Variants in MLLT10 observed in about 807,000 individuals in gnomAD.
MLLT10 encodes protein AF-10.
In MLLT10, 30 loss-of-function variants were observed where a neutral mutation model predicts 129.1. The ratio of observed to expected loss-of-function variants is 0.23; its 90% confidence interval spans 0.17 to 0.32. MLLT10 has a LOEUF of 0.32. Among genes scored for constraint, MLLT10 ranks in the 10% least tolerant of loss-of-function variants. The probability of loss-of-function intolerance (pLI) is 1.00; values close to 1 mark genes in which losing one functional copy is unlikely to be tolerated. For synonymous variants in MLLT10, 490 were observed against 446.4 expected, an observed-to-expected ratio of 1.10 and a Z score of -1.23; for missense variants, 1,119 against 1,268.3, an observed-to-expected ratio of 0.88 and a Z score of 1.79.
At position 21,680,275 on chromosome 10, in the gene MLLT10, A is replaced by G. The variant is rs376722072; in HGVS notation, c.1622-1057A>G. On this transcript the variant is annotated intron_variant, in intron 11 of 22. Transcript: ENST00000307729. Reference sequence around the variant, plus strand: ...GCCCAGGCTGTAGTGCGATGGTGCAATCTCGGCTCACTGAAACCACTGTTT... The same window carrying G: ...GCCCAGGCTGTAGTGCGATGGTGCAGTCTCGGCTCACTGAAACCACTGTTT... Among the ~76,000 whole-genome samples, 9 of 151,680 alleles carry G rather than the reference A, an allele frequency of 5.9e-5. No individual in the cohort carries two copies. In the East Asian group the frequency reaches 1.2e-3, roughly 20 times the overall value.
intron 11 of MLLT10, among the ~76,000 whole-genome samples, chr10:21,676,910 C>T (rs2052222848): frequency 6.6e-6 from 1 of 151,980 alleles, no homozygotes; most frequent in Non-Finnish European, 1.5e-5. Flanking sequence ...AAAGCGTATC[C>T]TTATCTAGAA....
chr10:21,670,672 C>G lies in MLLT10; in HGVS notation c.1019C>G (p.Thr340Arg). ...RKPGGGRNPG[T>R]TVSAASPFPQ... ...CCTGGTGGTGGAAGAAATCCAGGAA[C>G]AACTGTGTCAGCAGCTAGCCCTTTT... The change falls in exon 10 of 23, where the codon ACA (threonine) becomes AGA (arginine). Residue 340 changes from threonine to arginine, a missense_variant. Coordinates refer to ENST00000307729, the MANE Select transcript of MLLT10 (RefSeq NM_001195626.3). 6.2e-7 allele frequency: 1 copy of G among 1,614,088 alleles called. No homozygotes were observed. Among genetic ancestry groups the G allele is most frequent in the Non-Finnish European group, 8.5e-7 (1 of 1,180,004 alleles).
intron 8 of MLLT10, among the ~76,000 whole-genome samples, chr10:21,638,726 T>C (rs576704764): frequency 1.3e-5 from 2 of 152,214 alleles, no homozygotes; most frequent in East Asian, 1.9e-4. Flanking sequence ...CATGTGGCCA[T>C]TGAGGCCTCT....
intron 14 of MLLT10, among the ~76,000 whole-genome samples, chr10:21,721,707 G>A (rs2057147089): frequency 6.6e-6 from 1 of 151,958 alleles, no homozygotes. Context: ...ATACTGCCTT[G>A]GTAGAGACTT....
At chr10:21,717,701 T>C (rs868688098) in intron 14 of MLLT10, among the ~76,000 whole-genome samples, 1,039 of 23,036 alleles carry the variant, frequency 0.045, 10 homozygotes, top group African/African-American at 0.071. Context: ...CCTCCTCCTC[T>C]TCCTCCTCCT....
intron 3 of MLLT10, among the ~76,000 whole-genome samples, chr10:21,539,477 T>G (rs561393793): frequency 6.6e-6 from 1 of 151,014 alleles, no homozygotes; most frequent in East Asian, 2.0e-4. Flanking sequence ...AAACCTCTTA[T>G]AAGAATGAAG....
At chr10:21,556,885 T>G (rs2038090907) in intron 3 of MLLT10, 12 of 1,551,228 alleles carry the variant, frequency 7.7e-6, no homozygotes, top group Non-Finnish European at 1.0e-5. Context: ...TTTATATTTA[T>G]GGCTTTATGC....
intron 9 of MLLT10, chr10:21,669,140 G>A (rs759319055): frequency 8.4e-7 from 1 of 1,185,406 alleles, no homozygotes; most frequent in Admixed American, 3.3e-5. Context: ...TGAAACGTTT[G>A]TTCTTGTTTG....
intron 3 of MLLT10, chr10:21,556,919 C>G: frequency 6.5e-7 from 1 of 1,549,918 alleles, no homozygotes; most frequent in East Asian, 2.4e-5. Context: ...TGTCATTTGG[C>G]GTTTCAAGAA....
intron 16 of MLLT10, 131 bp downstream of exon 16, chr10:21,728,059 G>T: frequency 1.6e-6 from 1 of 622,054 alleles, no homozygotes. Flanking sequence ...AGCATGTCTA[G>T]ACAAGAAAAA....
chr10:21,631,313 CAAA>C (rs991306894), intron 8 of MLLT10, among the ~76,000 whole-genome samples: 3 of 47,772 alleles, frequency 6.3e-5, no homozygotes, highest in East Asian at 6.3e-4. Flanking sequence ...GACTCCGTCT[CAAA>C]AAAAAAAAAA....
intron 4 of MLLT10, among the ~76,000 whole-genome samples, chr10:21,588,551 A>G (rs755764183): frequency 4.6e-5 from 7 of 152,100 alleles, no homozygotes; most frequent in Non-Finnish European, 1.0e-4. Context: ...AGGTGGAAAC[A>G]TTGAGTCAAA....
intron 11 of MLLT10, 66 bp downstream of exon 11, chr10:21,673,985 C>A: frequency 8.0e-7 from 1 of 1,255,230 alleles, no homozygotes; most frequent in Non-Finnish European, 1.1e-6. Context: ...TGTCCCAAAA[C>A]GTTTTCAACT....
At chr10:21,603,860 G>A (rs1166782832) in intron 5 of MLLT10, among the ~76,000 whole-genome samples, 1 of 149,914 alleles carries the variant, frequency 6.7e-6, no homozygotes, top group African/African-American at 2.5e-5. Context: ...AATCTCTGCT[G>A]CTATCTTCAC....
At chr10:21,662,336 C>G (rs1414789646) in intron 9 of MLLT10, among the ~76,000 whole-genome samples, 1 of 152,036 alleles carries the variant, frequency 6.6e-6, no homozygotes, top group Admixed American at 6.6e-5. Flanking sequence ...CCCTGTATTC[C>G]CATTTTAACT....
chr10:21,632,764 A>G (rs927317102), intron 8 of MLLT10, among the ~76,000 whole-genome samples: 1 of 152,134 alleles, frequency 6.6e-6, no homozygotes, highest in South Asian at 2.1e-4. Flanking sequence ...TGAGAGTGTT[A>G]TAGTAGATAG....
intron 13 of MLLT10, among the ~76,000 whole-genome samples, chr10:21,706,281 C>T (rs749571817): frequency 6.6e-6 from 1 of 152,290 alleles, no homozygotes; most frequent in East Asian, 1.9e-4. Context: ...TGGTAGACAG[C>T]ATACTGTCTA....
At chr10:21,710,724 T>C (rs182820702) in intron 13 of MLLT10, among the ~76,000 whole-genome samples, 92 of 152,354 alleles carry the variant, frequency 6.0e-4, no homozygotes, top group Middle Eastern at 3.4e-3. Context: ...ATTTCATTTA[T>C]AGGATACCTG....
intron 21 of MLLT10, among the ~76,000 whole-genome samples, chr10:21,739,463 T>C (rs77989638): frequency 2.4e-3 from 369 of 152,308 alleles, no homozygotes; most frequent in African/African-American, 8.6e-3. Context: ...CTCCAGACTT[T>C]CTCATACACA....
Sources: allele counts gnomAD v4.1 joint callset (sites outside exome capture counted in the v4.1 genomes callset), GRCh38; gene constraint gnomAD v4.1.1; transcripts MANE v1.5; gene names NCBI Gene and HGNC (gene_info 2026-07-23, HGNC 2026-07-21).